CLSTN2: variants seen among roughly 807,000 people sequenced by gnomAD.
The protein encoded by CLSTN2 is calsyntenin 2.
Under a neutral mutation model 101.2 loss-of-function variants are expected in CLSTN2, and 48 were observed. The ratio of observed to expected loss-of-function variants is 0.47; its 90% CI spans 0.38 to 0.60. The LOEUF is 0.60. Among genes scored for constraint, CLSTN2 ranks in the 20% least tolerant of loss-of-function variants. CLSTN2 has a pLI of 0.00. For synonymous variants in CLSTN2, 481 were observed against 463.6 expected (o/e 1.04, Z -0.48); for missense variants, 1,160 against 1,238.2 (o/e 0.94, Z 0.95).
At chr3:140,144,387 C>T (rs918481065) in intron 1 of CLSTN2, among the ~76,000 whole-genome samples, 34 of 152,136 alleles carry the variant, frequency 2.2e-4, no homozygotes, top group Non-Finnish European at 3.5e-4. Flanking sequence ...GCGGGTGGAT[C>T]GCCTGAGGTC....
intron 1 of CLSTN2, among the ~76,000 whole-genome samples, chr3:139,989,293 C>T (rs1936079591): frequency 6.6e-6 from 1 of 152,172 alleles, no homozygotes; most frequent in African/African-American, 2.4e-5. Context: ...GCAGGGTACC[C>T]CTTTTCTGTA....
intron 1 of CLSTN2, among the ~76,000 whole-genome samples, chr3:139,981,132 C>T (rs1207004063): frequency 6.6e-6 from 1 of 152,098 alleles, no homozygotes; most frequent in Non-Finnish European, 1.5e-5. Flanking sequence ...TCTCAGTGGC[C>T]TCATCTCTTT....
intron 2 of CLSTN2, among the ~76,000 whole-genome samples, chr3:140,328,538 C>T (rs1443272714): frequency 2.0e-5 from 3 of 152,158 alleles, no homozygotes; most frequent in Admixed American, 6.5e-5. Flanking sequence ...AATACAAACA[C>T]GATGGAAAGA....
intron 7 of CLSTN2, among the ~76,000 whole-genome samples, chr3:140,462,377 A>G (rs1282843855): frequency 6.6e-6 from 1 of 152,220 alleles, no homozygotes; most frequent in Non-Finnish European, 1.5e-5. Flanking sequence ...TTAAATGCAA[A>G]CACAGCAATG....
chr3:139,968,734 G>C (rs1935645754), intron 1 of CLSTN2, among the ~76,000 whole-genome samples: 2 of 152,126 alleles, frequency 1.3e-5, no homozygotes, highest in South Asian at 4.1e-4. Flanking sequence ...AAGTATTCCA[G>C]AAACTCAATA....
chr3:140,167,576 A>T (rs1342345764), intron 1 of CLSTN2, among the ~76,000 whole-genome samples: 2 of 152,196 alleles, frequency 1.3e-5, no homozygotes, highest in African/African-American at 4.8e-5. Flanking sequence ...AATAAGAGTC[A>T]TCTTTTTAAG....
intron 5 of CLSTN2, among the ~76,000 whole-genome samples, chr3:140,430,746 T>C (rs941265138): frequency 2.6e-5 from 4 of 152,150 alleles, no homozygotes; most frequent in Non-Finnish European, 5.9e-5. Context: ...GGCAAAGAAG[T>C]GTAACAGTCC....
intron 2 of CLSTN2, among the ~76,000 whole-genome samples, chr3:140,393,279 G>T (rs1033686741): frequency 5.3e-5 from 8 of 152,172 alleles, no homozygotes; most frequent in Non-Finnish European, 1.5e-5. Context: ...GGGAGAGAGA[G>T]ATTCCAAAGA....
At chr3:140,032,421 C>T (rs917675534) in intron 1 of CLSTN2, among the ~76,000 whole-genome samples, 13 of 151,644 alleles carry the variant, frequency 8.6e-5, no homozygotes, top group African/African-American at 3.2e-4. Context: ...CTGCAACCTC[C>T]ACCCCCGGGT....
chr3:140,158,936 A>G (rs1031075486), intron 1 of CLSTN2, among the ~76,000 whole-genome samples: 6 of 152,090 alleles, frequency 3.9e-5, no homozygotes, highest in Admixed American at 1.3e-4. Context: ...GGGAAAGAAC[A>G]CCCTATTCAA....
chr3:140,379,988 A>G (rs562937587), intron 2 of CLSTN2, among the ~76,000 whole-genome samples: 2 of 152,160 alleles, frequency 1.3e-5, no homozygotes, highest in Non-Finnish European at 2.9e-5. Flanking sequence ...CTGAGCATAA[A>G]AATTGACAAT....
intron 2 of CLSTN2, among the ~76,000 whole-genome samples, chr3:140,306,464 G>T (rs2087114879): frequency 6.6e-6 from 1 of 152,134 alleles, no homozygotes. Flanking sequence ...TGTGGTCTTG[G>T]GTAAGTTATT....
At chr3:139,954,765 C>A (rs995051715) in intron 1 of CLSTN2, among the ~76,000 whole-genome samples, 9 of 152,080 alleles carry the variant, frequency 5.9e-5, no homozygotes, top group African/African-American at 1.9e-4. Flanking sequence ...AAAAATCCTT[C>A]CCCTGTATCC....
rs115747098 is a variant in CLSTN2, at chr3:140,366,861, C to T, written c.233-36768C>T. Among the ~76,000 whole-genome samples, 594 of 152,284 alleles carry T rather than the reference C, an allele frequency of 3.9e-3. 5 individuals are homozygous for T. The highest frequency in any genetic ancestry group is 0.013 in the African/African-American group (557 of 41,558). ...TGGCAACTAGGAAATGTTGAAGAGC[C>T]GATGTCCTGGGCGTTGTGAATGACA... On this transcript the variant is annotated intron_variant, in intron 2 of 16. Coordinates refer to ENST00000458420, the MANE Select transcript of CLSTN2 (RefSeq NM_022131.3).
At chr3:140,277,617 A>G (rs1297921035) in intron 2 of CLSTN2, among the ~76,000 whole-genome samples, 1 of 152,202 alleles carries the variant, frequency 6.6e-6, no homozygotes, top group Non-Finnish European at 1.5e-5. Flanking sequence ...ATTGAATTAT[A>G]CCAACGATTA....
Position 139,935,735 on chromosome 3 carries a change from G to A in CLSTN2, c.109+252G>A, listed in dbSNP as rs1935008812. On this transcript the variant is annotated intron_variant, in intron 1 of 16. Coordinates refer to ENST00000458420, the MANE Select transcript of CLSTN2 (RefSeq NM_022131.3). The surrounding 1 kb of genome is among the most constrained non-coding windows in gnomAD (Gnocchi z 5.5). ...CAGAAGGCGAGGTCTGGGGAGTACG[G>A]ACAACTTTGAGGGCTGTCTGTGCCG... Among the ~76,000 whole-genome samples the A allele has an allele frequency of 6.6e-6, 1 of 151,932 alleles. No individual in the cohort carries two copies. Among genetic ancestry groups the A allele is most frequent in the South Asian group, 2.1e-4 (1 of 4,812 alleles).
At chr3:140,030,304 C>G (rs1309199107) in intron 1 of CLSTN2, among the ~76,000 whole-genome samples, 1 of 152,106 alleles carries the variant, frequency 6.6e-6, no homozygotes, top group African/African-American at 2.4e-5. Flanking sequence ...GGTAGCTTCC[C>G]CAATGTTATA....
At chr3:140,104,519 C>G (rs1275796461) in intron 1 of CLSTN2, among the ~76,000 whole-genome samples, 1 of 152,206 alleles carries the variant, frequency 6.6e-6, no homozygotes, top group Non-Finnish European at 1.5e-5. Context: ...TCTTGGCTGA[C>G]TGTACAGCTA....
intron 1 of CLSTN2, among the ~76,000 whole-genome samples, chr3:140,152,882 C>G (rs972886936): frequency 1.3e-5 from 2 of 152,168 alleles, no homozygotes; most frequent in Non-Finnish European, 1.5e-5. Context: ...TCCAATAAAT[C>G]CTTAACCTGC....
Sources: allele counts gnomAD v4.1 joint callset (sites outside exome capture counted in the v4.1 genomes callset), GRCh38; gene constraint gnomAD v4.1.1; non-coding constraint Gnocchi (gnomAD v3.1); transcripts MANE v1.5; gene names NCBI Gene and HGNC (gene_info 2026-07-23, HGNC 2026-07-21).